The following GAK variants were observed in gnomAD, a reference collection of about 807,000 sequenced individuals.
GAK encodes the protein cyclin G associated kinase.
GAK carries 79 observed loss-of-function variants against 143.9 expected under a neutral mutation model. That is an observed-to-expected ratio of 0.55 (90% CI 0.46 to 0.66). The LOEUF (loss-of-function observed/expected upper bound fraction) is 0.66, where lower values mean the gene tolerates loss of function less well. GAK is among the 30% of genes least tolerant of loss of function. The pLI is 0.00. For missense variants in GAK, 1,693 were observed against 1,779.7 expected (o/e 0.95, Z 0.88); for synonymous variants, 881 against 765.5 (o/e 1.15, Z -2.49).
At chr4:899,593 G>A (rs551831843) in intron 5 of GAK, among the ~76,000 whole-genome samples, 5 of 86,766 alleles carry the variant, frequency 5.8e-5, no homozygotes, top group Non-Finnish European at 1.3e-4. Context: ...CAGCCTCATC[G>A]ACAGGAGAAA....
intron 22 of GAK, 70 bp downstream of exon 22, chr4:866,294 T>G: frequency 6.7e-7 from 1 of 1,495,550 alleles, no homozygotes; most frequent in Non-Finnish European, 9.2e-7. Flanking sequence ...ACAGCTCTGT[T>G]TCCCACCAGA....
rs1309553864 is a variant in GAK, at chr4:870,658, C to T, written c.2248+53G>A. The T allele has an allele frequency of 3.2e-6, 5 of 1,559,312 alleles. No homozygotes were observed. The African/African-American group carries it at 4.1e-5, about 13-fold the overall frequency. On this transcript the variant is annotated intron_variant, in intron 19 of 27. Coordinates refer to ENST00000314167, the MANE Select transcript of GAK (RefSeq NM_005255.4). ...GAGCTCAGCCAAAGGTGTCTCTCTC[C>T]ACAGAGACACTCACCAGAACAGGGT... is the stretch of plus-strand genomic sequence containing the variant.
rs969822872 is a variant in GAK at position 900,274 on chromosome 4, G to A, written c.526-2116C>T. On this transcript the variant is annotated intron_variant, in intron 5 of 27. Transcript: ENST00000314167. ...CTGTGCGCACAGCAGGACGACGCACGGGGCAGGCGAGTGGGGCCACGTGTG... is the reference window on the plus strand; with the variant it reads ...CTGTGCGCACAGCAGGACGACGCACAGGGCAGGCGAGTGGGGCCACGTGTG... Among the ~76,000 whole-genome samples the A allele has an allele frequency of 8.6e-5, 13 of 151,564 alleles. 1 individual carries two copies. In the East Asian group the frequency reaches 2.1e-3, roughly 25 times the overall value.
At position 932,191 on chromosome 4, in the gene GAK, G is replaced by A; in HGVS notation, c.-4C>T. 6.5e-7 allele frequency: 1 copy of A among 1,540,398 alleles called. No individual in the cohort carries two copies. The highest frequency in any genetic ancestry group is 1.2e-5 in the South Asian group (1 of 83,324). ...GCGCCGACTGCAGCAGCGACATGGC[G>A]GTGGCTGCGCCGCACCCCGCGGCAG... is the stretch of plus-strand genomic sequence containing the variant. On this transcript the variant is annotated 5_prime_UTR_variant, in exon 1 of 28. Transcript: ENST00000314167. The surrounding 1 kb of genome is among the most constrained non-coding windows in gnomAD (Gnocchi z 4.0).
intron 1 of GAK, among the ~76,000 whole-genome samples, chr4:922,923 G>C (rs943776455): frequency 2.6e-5 from 4 of 152,200 alleles, no homozygotes; most frequent in Admixed American, 2.6e-4. Flanking sequence ...CGGGTGGCTG[G>C]CTGGGCAAGC....
intron 5 of GAK, among the ~76,000 whole-genome samples, chr4:900,233 G>A (rs1236819786): frequency 6.6e-6 from 1 of 152,118 alleles, no homozygotes; most frequent in African/African-American, 2.4e-5. Context: ...CCATTCTACA[G>A]CCAACAGAGA....
chr4:870,128 CAT>C (rs1230484388), intron 19 of GAK, among the ~76,000 whole-genome samples: 1 of 152,192 alleles, frequency 6.6e-6, no homozygotes, highest in Admixed American at 6.5e-5. Flanking sequence ...CCCACGGACA[CAT>C]ACACAGCACG....
At chr4:931,857 T>A (rs994531874) in intron 1 of GAK, among the ~76,000 whole-genome samples, 186 bp downstream of exon 1, 1 of 152,136 alleles carries the variant, frequency 6.6e-6, no homozygotes, top group African/African-American at 2.4e-5. Flanking sequence ...GCCCGCGCTA[T>A]GACCTTCGCC....
At chr4:906,428 C>G (rs1338677447) in intron 4 of GAK, among the ~76,000 whole-genome samples, 1 of 152,174 alleles carries the variant, frequency 6.6e-6, no homozygotes, top group Non-Finnish European at 1.5e-5. Context: ...CTAGCCCTGG[C>G]CCAACCAGGA....
chr4:861,418 T>A (rs1406630252), intron 23 of GAK, among the ~76,000 whole-genome samples: 1 of 152,058 alleles, frequency 6.6e-6, no homozygotes, highest in African/African-American at 2.4e-5. Flanking sequence ...GGACCCCATC[T>A]CTACAAAAAA....
chr4:879,873 A>G (rs1434474236), intron 15 of GAK, among the ~76,000 whole-genome samples: 1 of 152,200 alleles, frequency 6.6e-6, no homozygotes, highest in Non-Finnish European at 1.5e-5. Context: ...CAGTTTCAGT[A>G]TCTCTCGACC....
At chr4:931,535 C>T (rs946106893) in intron 1 of GAK, among the ~76,000 whole-genome samples, 1 of 151,942 alleles carries the variant, frequency 6.6e-6, no homozygotes, top group Non-Finnish European at 1.5e-5. Flanking sequence ...CAGTCCTGTC[C>T]CTGCCTGCTC....
intron 20 of GAK, 139 bp downstream of exon 20, chr4:868,400 T>C: frequency 4.2e-6 from 3 of 714,004 alleles, no homozygotes; most frequent in Non-Finnish European, 6.8e-6. Flanking sequence ...CAGGCTGACA[T>C]GCCGGGTGCA....
intron 25 of GAK, 39 bp downstream of exon 25, chr4:851,711 C>A (rs757723323): frequency 6.3e-7 from 1 of 1,589,112 alleles, no homozygotes; most frequent in East Asian, 2.2e-5. Flanking sequence ...TCAGGGAGGT[C>A]TCTGCAAACT....
At chr4:863,961 T>C (rs868612432) in intron 23 of GAK, among the ~76,000 whole-genome samples, 3 of 152,184 alleles carry the variant, frequency 2.0e-5, no homozygotes, top group South Asian at 2.1e-4. Flanking sequence ...ACGTGGAGGA[T>C]GCAGTGAGCC....
At chr4:900,185 T>C (rs889844943) in intron 5 of GAK, among the ~76,000 whole-genome samples, 1 of 150,352 alleles carries the variant, frequency 6.7e-6, no homozygotes, top group Non-Finnish European at 1.5e-5. Context: ...AGCAGGACGA[T>C]GCACAGGGCA....
chr4:908,355 C>T (rs542576218), intron 4 of GAK, among the ~76,000 whole-genome samples: 7 of 152,268 alleles, frequency 4.6e-5, no homozygotes, highest in African/African-American at 1.4e-4. Flanking sequence ...CTGGATGGAA[C>T]GAAGCGACCG....
chr4:882,762 T>C lies in GAK; in HGVS notation c.1462A>G (p.Ile488Val), dbSNP rs1336063625. 5.0e-6 allele frequency: 8 copies of C among 1,612,318 alleles called. No individual in the cohort carries two copies. The highest frequency in any genetic ancestry group is 1.1e-5 in the South Asian group (1 of 91,042). Residue 488 changes from isoleucine to valine, a missense_variant, in exon 14 of 28, where the codon ATC becomes GTC. Physicochemically the swap from Ile to Val is conservative, Grantham distance 29. Around this residue, in one of 2 missense-constraint regions of GAK, gnomAD observed 871 missense variants for 991.0 expected, o/e 0.88. Transcript: ENST00000314167. ...AGCCAGGCGTGCATGTTCCTGCAGA[T>C]GTTGTACAGGGTGTGCAGGTGTGGG... ...RAPHLHTLYNICRNMHAWLRQ... is the reference protein window; with the variant it reads ...RAPHLHTLYNVCRNMHAWLRQ...
At chr4:866,871 C>T (rs188954637) in intron 21 of GAK, 85 bp downstream of exon 21, 73 of 1,075,600 alleles carry the variant, frequency 6.8e-5, no homozygotes, top group African/African-American at 4.4e-4. Flanking sequence ...CAAGCACCTT[C>T]GAAACACGCC....
Sources: gnomAD v4.1 joint callset for allele counts (sites outside exome capture counted in the v4.1 genomes callset) on GRCh38, gnomAD v4.1.1 for gene constraint, gnomAD v4.1.1 regional missense constraint, Gnocchi (gnomAD v3.1) non-coding constraint, MANE v1.5 for transcripts, NCBI Gene and HGNC (gene_info 2026-07-23, HGNC 2026-07-21) for gene names.